The following ACER1 variants were observed in gnomAD, a reference collection of about 807,000 sequenced individuals.
The protein encoded by ACER1 is alkaline ceramidase 1.
A neutral mutation model predicts 24.9 loss-of-function variants in ACER1; 28 were observed. The ratio of observed to expected loss-of-function variants is 1.13; its 90% CI spans 0.83 to 1.54. The LOEUF is 1.54. Ranked by LOEUF, ACER1 falls within the 40% of genes most tolerant of loss-of-function variation. ACER1 has a pLI of 0.00. For missense variants in ACER1, 352 were observed against 349.3 expected, an observed-to-expected ratio of 1.01 and a Z score of -0.06; for synonymous variants, 132 against 131.4, an observed-to-expected ratio of 1.00 and a Z score of -0.03.
rs200853702 is a variant in ACER1, at chr19:6,312,137, C to T, written c.350+12G>A. On this transcript the variant is annotated intron_variant, in intron 3 of 5. Coordinates refer to ENST00000301452, the MANE Select transcript of ACER1 (RefSeq NM_133492.3). ...GACCCCACCCTGTCCAGATGGCCAG[C>T]CCCTGACCCACCTGTTCCCCCCAAG... The T allele has an allele frequency of 1.9e-6, 3 of 1,612,260 alleles. No homozygotes were observed. The highest frequency in any genetic ancestry group is 2.2e-5 in the East Asian group (1 of 44,866).
chr19:6,331,960 A>G (rs950400523), intron 1 of ACER1, among the ~76,000 whole-genome samples: 2 of 142,624 alleles, frequency 1.4e-5, no homozygotes, highest in Admixed American at 6.9e-5. Flanking sequence ...TCATTTGTGC[A>G]TTCCTATTTT....
At chr19:6,321,221 C>T (rs1336648428) in intron 1 of ACER1, among the ~76,000 whole-genome samples, 4 of 151,820 alleles carry the variant, frequency 2.6e-5, no homozygotes, top group African/African-American at 9.7e-5. Context: ...CTGCAACCTC[C>T]GCCTCTTGGG....
intron 3 of ACER1, among the ~76,000 whole-genome samples, chr19:6,310,981 C>T (rs908220684): frequency 9.2e-5 from 14 of 151,464 alleles, no homozygotes; most frequent in African/African-American, 2.7e-4. Context: ...GCCCAGGCAG[C>T]GTCTAAAGGG....
intron 1 of ACER1, among the ~76,000 whole-genome samples, chr19:6,328,343 T>C (rs1374359551): frequency 2.6e-5 from 4 of 151,274 alleles, no homozygotes; most frequent in African/African-American, 9.7e-5. Flanking sequence ...ATACAAAAAT[T>C]AGCCGGGAGT....
At chr19:6,342,568 A>C in the ACER1 span, among the ~76,000 whole-genome samples, 54 of 151,404 alleles carry the variant, frequency 3.6e-4, no homozygotes, top group African/African-American at 1.3e-3. Flanking sequence ...AAATACAAAA[A>C]ATTAGCCAGG....
rs374922368 is a variant in ACER1, at chr19:6,307,145, G to A, written c.626+8C>T. The A allele has an allele frequency of 5.0e-6, 8 of 1,613,854 alleles. No individual in the cohort carries two copies. The Admixed American group carries it at 1.2e-4, about 24-fold the overall frequency. On this transcript the variant is annotated splice_region_variant and intron_variant, in intron 5 of 5. Coordinates refer to ENST00000301452, the MANE Select transcript of ACER1 (RefSeq NM_133492.3). ...TGGGCCCCCCACAGCCTCAGAGCAT[G>A]TGCTTACCAGATGCTGTGCAGATAG... is the stretch of plus-strand genomic sequence containing the variant.
At chr19:6,353,839 A>G in the ACER1 span, among the ~76,000 whole-genome samples, 1 of 151,662 alleles carries the variant, frequency 6.6e-6, no homozygotes, top group Non-Finnish European at 1.5e-5. Context: ...AAATAAAATA[A>G]ATACAATAAA....
At chr19:6,317,317 G>A (rs893546773) in intron 1 of ACER1, among the ~76,000 whole-genome samples, 1 of 152,158 alleles carries the variant, frequency 6.6e-6, no homozygotes, top group Non-Finnish European at 1.5e-5. Context: ...TAAGACAGGT[G>A]TGGAAAGAAA....
chr19:6,355,636 CCCGCCCG>C, the ACER1 span, among the ~76,000 whole-genome samples: 12 of 149,384 alleles, frequency 8.0e-5, 1 homozygote, highest in African/African-American at 2.5e-4. Flanking sequence ...GGGTCAGCCC[CCCGCCCG>C]GCCAGCCGCC....
the ACER1 span, among the ~76,000 whole-genome samples, chr19:6,357,409 T>C: frequency 6.7e-6 from 1 of 149,510 alleles, no homozygotes; most frequent in South Asian, 2.1e-4. Flanking sequence ...GTTTGGGGTG[T>C]GAAAAGCAGA....
chr19:6,354,963 C>T, the ACER1 span, among the ~76,000 whole-genome samples: 2 of 152,162 alleles, frequency 1.3e-5, no homozygotes, highest in Non-Finnish European at 2.9e-5. Context: ...CCTGTGATTG[C>T]AGGCGCGCGC....
chr19:6,358,058 T>C, the ACER1 span, among the ~76,000 whole-genome samples: 241 of 152,132 alleles, frequency 1.6e-3, 1 homozygote, highest in African/African-American at 5.5e-3. Context: ...GCTGCAGGGA[T>C]GGTGGCAGCT....
At chr19:6,337,460 T>C (rs1046137123), upstream of ACER1, among the ~76,000 whole-genome samples, 1 of 143,934 alleles carries the variant, frequency 6.9e-6, no homozygotes, top group Non-Finnish European at 1.6e-5. Context: ...CCTTTTTTTT[T>C]CTTTTTTTTT....
At chr19:6,340,016 A>C in the ACER1 span, among the ~76,000 whole-genome samples, 2 of 150,896 alleles carry the variant, frequency 1.3e-5, no homozygotes, top group Non-Finnish European at 3.0e-5. Flanking sequence ...TGGCTCACAC[A>C]TGTAATCCCA....
the ACER1 span, chr19:6,344,080 T>A: frequency 1.3e-5 from 2 of 152,054 alleles, no homozygotes; most frequent in African/African-American, 4.8e-5. Flanking sequence ...GTGGATCACC[T>A]GATGTCAGGA....
chr19:6,355,357 C>T, the ACER1 span, among the ~76,000 whole-genome samples: 4 of 146,350 alleles, frequency 2.7e-5, no homozygotes, highest in South Asian at 6.6e-4. Context: ...TGCCTGGCCA[C>T]CACCCCATCT....
the ACER1 span, among the ~76,000 whole-genome samples, chr19:6,352,371 A>C: frequency 6.6e-6 from 1 of 152,200 alleles, no homozygotes; most frequent in Admixed American, 6.6e-5. Context: ...CATATGGGGA[A>C]TAAAGACCAC....
At chr19:6,351,376 A>T in the ACER1 span, among the ~76,000 whole-genome samples, 4,711 of 151,468 alleles carry the variant, frequency 0.031, 252 homozygotes, top group African/African-American at 0.11. Context: ...CAAAAAATAA[A>T]AATAATAATA....
rs144441985 is a variant in ACER1, at chr19:6,329,302, A to G, written c.93+4157T>C. Among the ~76,000 whole-genome samples the G allele has an allele frequency of 4.6e-3, 699 of 151,718 alleles. 6 individuals carry two copies. Among genetic ancestry groups the G allele is most frequent in the African/African-American group, 0.016 (660 of 41,294 alleles). On this transcript the variant is annotated intron_variant, in intron 1 of 5. Transcript: ENST00000301452. ...AGGTCTTGGGGAAGCCCTTTCTCAC[A>G]TAACTCTGATTCTATTCCTCATCCC...
Sources: gnomAD v4.1 joint callset for allele counts (sites outside exome capture counted in the v4.1 genomes callset) on GRCh38, gnomAD v4.1.1 for gene constraint, MANE v1.5 for transcripts, NCBI Gene and HGNC (gene_info 2026-07-23, HGNC 2026-07-21) for gene names.